ZCCHC7: variants seen among roughly 807,000 people sequenced by gnomAD.
ZCCHC7 encodes the protein zinc finger CCHC domain-containing protein 7.
Under a neutral mutation model 52.0 loss-of-function variants are expected in ZCCHC7, and 35 were observed. The observed-to-expected ratio is 0.67, with a 90% CI of 0.51 to 0.89. ZCCHC7 has a LOEUF of 0.89. Among genes scored for constraint, ZCCHC7 ranks in the 40% least tolerant of loss-of-function variants. The pLI is 0.00. For synonymous variants in ZCCHC7, 217 were observed against 221.5 expected (o/e 0.98, Z 0.18); for missense variants, 574 against 649.1 (o/e 0.88, Z 1.26).
chr9:37,259,830 T>C (rs768775762), intron 2 of ZCCHC7, among the ~76,000 whole-genome samples: 1 of 152,174 alleles, frequency 6.6e-6, no homozygotes, highest in African/African-American at 2.4e-5. Context: ...GCATCCTACC[T>C]CATATCTTCA....
intron 2 of ZCCHC7, among the ~76,000 whole-genome samples, chr9:37,146,765 TTTCTC>T (rs1416207231): frequency 6.6e-6 from 1 of 151,926 alleles, no homozygotes; most frequent in Non-Finnish European, 1.5e-5. Flanking sequence ...AAAAATTTTG[TTTCTC>T]TTCTCATTAC....
intron 5 of ZCCHC7, 42 bp from the exon 6 acceptor site, chr9:37,327,757 C>G: frequency 6.2e-7 from 1 of 1,611,750 alleles, no homozygotes; most frequent in Non-Finnish European, 8.5e-7. Context: ...TGTAAAGTAC[C>G]TTGTTTCATG....
intron 2 of ZCCHC7, among the ~76,000 whole-genome samples, chr9:37,242,658 A>G (rs1045861417): frequency 6.6e-6 from 1 of 151,836 alleles, no homozygotes; most frequent in Non-Finnish European, 1.5e-5. Flanking sequence ...ACAGGATGAC[A>G]TAGTGAAGCT....
intron 2 of ZCCHC7, among the ~76,000 whole-genome samples, chr9:37,180,285 A>G (rs1241926885): frequency 6.6e-6 from 1 of 152,170 alleles, no homozygotes; most frequent in Non-Finnish European, 1.5e-5. Context: ...GGAGCTTATT[A>G]AAAGTAGATT....
intron 2 of ZCCHC7, among the ~76,000 whole-genome samples, chr9:37,230,677 G>C (rs929896670): frequency 2.6e-5 from 4 of 151,870 alleles, no homozygotes; most frequent in Non-Finnish European, 4.4e-5. Context: ...AGGAATTTTT[G>C]TTTCTCCTCT....
At chr9:37,338,411 A>G (rs1194371238) in intron 6 of ZCCHC7, among the ~76,000 whole-genome samples, 1 of 152,268 alleles carries the variant, frequency 6.6e-6, no homozygotes, top group East Asian at 1.9e-4. Context: ...CAATGATGTA[A>G]TCCCTTATAC....
chr9:37,161,599 A>T (rs1821111567), intron 2 of ZCCHC7, among the ~76,000 whole-genome samples: 1 of 152,054 alleles, frequency 6.6e-6, no homozygotes, highest in African/African-American at 2.4e-5. Flanking sequence ...AAAAAGTGGC[A>T]CAGATCAATT....
chr9:37,169,094 C>T (rs1821588498), intron 2 of ZCCHC7, among the ~76,000 whole-genome samples: 1 of 152,158 alleles, frequency 6.6e-6, no homozygotes, highest in South Asian at 2.1e-4. Flanking sequence ...ATAATCTTAA[C>T]CTTCCCAGTA....
At chr9:37,171,360 A>G (rs1292227109) in intron 2 of ZCCHC7, among the ~76,000 whole-genome samples, 2 of 152,218 alleles carry the variant, frequency 1.3e-5, no homozygotes, top group Non-Finnish European at 2.9e-5. Flanking sequence ...TGCTGTTTTC[A>G]TGTTCTGTCA....
At chr9:37,129,078 T>C (rs533285229) in intron 2 of ZCCHC7, among the ~76,000 whole-genome samples, 2 of 152,312 alleles carry the variant, frequency 1.3e-5, no homozygotes, top group South Asian at 2.1e-4. Context: ...TGTCTCACAT[T>C]TGACATACTG....
intron 5 of ZCCHC7, among the ~76,000 whole-genome samples, chr9:37,315,524 TTTAG>T (rs1189856474): frequency 3.3e-5 from 5 of 152,048 alleles, no homozygotes; most frequent in Admixed American, 6.5e-5. Context: ...TAATCAGCCT[TTTAG>T]TTATAGAACA....
At chr9:37,309,282 C>G (rs773273389) in intron 5 of ZCCHC7, among the ~76,000 whole-genome samples, 3 of 152,152 alleles carry the variant, frequency 2.0e-5, no homozygotes, top group Non-Finnish European at 2.9e-5. Context: ...CACATGGAAG[C>G]CGAGTCATTC....
chr9:37,357,101 C>G lies in ZCCHC7; in HGVS notation c.1465C>G (p.Gln489Glu). ...TYSSPGSFKTQKPSKPFHRSS... is the reference protein window; with the variant it reads ...TYSSPGSFKTEKPSKPFHRSS... ...CTCTTCTCCTGGCAGTTTTAAAACC[C>G]AGAAGCCTTCTAAGCCCTTTCACCG... Residue 489 changes from glutamine to glutamate, a missense_variant, in exon 9 of 9, where the codon CAG (glutamine) becomes GAG (glutamate). Coordinates refer to ENST00000336755, the MANE Select transcript of ZCCHC7 (RefSeq NM_032226.3). The G allele has an allele frequency of 6.2e-7, 1 of 1,613,760 alleles. No homozygotes were observed. Among genetic ancestry groups the G allele is most frequent in the Non-Finnish European group, 8.5e-7 (1 of 1,179,970 alleles).
At chr9:37,136,741 G>T (rs1296124885) in intron 2 of ZCCHC7, among the ~76,000 whole-genome samples, 5 of 152,146 alleles carry the variant, frequency 3.3e-5, no homozygotes, top group African/African-American at 1.2e-4. Context: ...CTCCCAAAGT[G>T]CTGGGATTTA....
At chr9:37,316,562 T>C (rs1829832293) in intron 5 of ZCCHC7, among the ~76,000 whole-genome samples, 1 of 151,626 alleles carries the variant, frequency 6.6e-6, no homozygotes, top group Non-Finnish European at 1.5e-5. Flanking sequence ...TAACCTCGAG[T>C]GATCTGCCCG....
chr9:37,256,622 A>C (rs1158957028), intron 2 of ZCCHC7, among the ~76,000 whole-genome samples: 1 of 152,196 alleles, frequency 6.6e-6, no homozygotes, highest in Admixed American at 6.5e-5. Context: ...CATGTCTTTG[A>C]ATATTCTGTA....
At chr9:37,203,690 C>A (rs1391052704) in intron 2 of ZCCHC7, among the ~76,000 whole-genome samples, 1 of 152,142 alleles carries the variant, frequency 6.6e-6, no homozygotes, top group Non-Finnish European at 1.5e-5. Context: ...ACCACATTTT[C>A]TTTATCCAGT....
chr9:37,163,533 C>T (rs17385566), intron 2 of ZCCHC7, among the ~76,000 whole-genome samples: 5,671 of 152,152 alleles, frequency 0.037, 367 homozygotes, highest in African/African-American at 0.13. Context: ...ATAATTTTGT[C>T]GTTCTGATAT....
At chr9:37,246,983 G>C (rs962940575) in intron 2 of ZCCHC7, among the ~76,000 whole-genome samples, 1 of 152,116 alleles carries the variant, frequency 6.6e-6, no homozygotes, top group Non-Finnish European at 1.5e-5. Context: ...AGAATACAGT[G>C]TATCGTTAAC....
Sources: gnomAD v4.1 joint callset for allele counts (sites outside exome capture counted in the v4.1 genomes callset) on GRCh38, gnomAD v4.1.1 for gene constraint, MANE v1.5 for transcripts, NCBI Gene and HGNC (gene_info 2026-07-23, HGNC 2026-07-21) for gene names.